ZBTB20: variants seen among roughly 807,000 people sequenced by gnomAD.
The protein encoded by ZBTB20 is zinc finger and BTB domain-containing protein 20.
Under a neutral mutation model 56.9 loss-of-function variants are expected in ZBTB20, and 9 were observed. The observed-to-expected ratio is 0.16, with a 90% confidence interval of 0.10 to 0.28. The LOEUF (loss-of-function observed/expected upper bound fraction) is 0.28. Among genes scored for constraint, ZBTB20 ranks in the 10% least tolerant of loss-of-function variants. The probability of loss-of-function intolerance (pLI) is 1.00; values close to 1 mark genes in which losing one functional copy is unlikely to be tolerated. For synonymous variants in ZBTB20, 417 were observed against 420.7 expected (o/e 0.99, Z 0.11); for missense variants, 655 against 1,003.0 (o/e 0.65, Z 4.69).
chr3:114,431,308 T>C lies in ZBTB20; in HGVS notation c.-254-42203A>G, dbSNP rs529284293. Among the ~76,000 whole-genome samples the C allele has an allele frequency of 1.8e-3, 280 of 152,032 alleles. No individual in the cohort carries two copies. The Middle Eastern group carries it at 0.02, about 11-fold the overall frequency. On this transcript the variant is annotated intron_variant, in intron 7 of 11. Coordinates refer to ENST00000675478, the MANE Select transcript of ZBTB20 (RefSeq NM_001348800.3). ...TCTATCAGCTCCAGAACTAAAACCC[T>C]CAGTAGGCAGGATGGTGCTAAAAGA...
rs571433758 is a variant in ZBTB20, at chr3:114,514,720, G to GAA, written c.-294-14331_-294-14330dup. Among the ~76,000 whole-genome samples the GAA allele has an allele frequency of 4.6e-5, 7 of 152,236 alleles. No homozygotes were observed. In the East Asian group the frequency reaches 1.4e-3, roughly 29 times the overall value. On this transcript the variant is annotated intron_variant, in intron 6 of 11. Coordinates refer to ENST00000675478, the MANE Select transcript of ZBTB20 (RefSeq NM_001348800.3). ...AGATAGGAGGAAATGAGGAGAAAGA[G>GAA]AAAACAAAGAAAGGGAGAGCGAGGG...
chr3:114,660,604 A>G (rs2060665537), intron 6 of ZBTB20, among the ~76,000 whole-genome samples: 1 of 152,138 alleles, frequency 6.6e-6, no homozygotes, highest in Admixed American at 6.6e-5. Context: ...TGCCTGGTTA[A>G]AAAAGAATCA....
intron 6 of ZBTB20, among the ~76,000 whole-genome samples, chr3:114,607,388 C>T (rs910820547): frequency 4.0e-5 from 6 of 150,788 alleles, no homozygotes; most frequent in African/African-American, 1.5e-4. Context: ...CTGCAACCTC[C>T]GCCTCCTGGG....
chr3:114,767,636 A>T (rs1283216934), intron 5 of ZBTB20, among the ~76,000 whole-genome samples: 1 of 151,992 alleles, frequency 6.6e-6, no homozygotes, highest in Non-Finnish European at 1.5e-5. Context: ...TGAGTTAAAA[A>T]GCAAGAAAGA....
intron 4 of ZBTB20, among the ~76,000 whole-genome samples, chr3:114,830,405 C>T (rs772818872): frequency 2.6e-4 from 39 of 151,938 alleles, no homozygotes; most frequent in Non-Finnish European, 4.4e-4. Context: ...TATCCAAAGG[C>T]AATGAGAGCT....
In ZBTB20 at chr3:114,811,765, G is replaced by A. The variant is rs569904163; in HGVS notation, c.-416-10591C>T. Among the ~76,000 whole-genome samples, 11 of 137,916 alleles carry A rather than the reference G, an allele frequency of 8.0e-5. No individual in the cohort carries two copies. The South Asian group carries it at 2.6e-3, about 32-fold the overall frequency. 90.5% of individuals were successfully genotyped at this position (137,916 alleles called of 152,430 possible). A position where few individuals can be genotyped will look rare whatever the true frequency, so the allele number is the denominator to read the frequency against. On this transcript the variant is annotated intron_variant, in intron 4 of 11. Transcript: ENST00000675478. ...CTGGAAAACAAGAAATCTAATCCAT[G>A]AAACAAAATCCTGAAACATCACATA...
chr3:114,813,897 A>T (rs1044211142), intron 4 of ZBTB20, among the ~76,000 whole-genome samples: 2 of 152,196 alleles, frequency 1.3e-5, no homozygotes, highest in Admixed American at 6.5e-5. Context: ...CAAATCTTTT[A>T]AAAATGGGAA....
intron 5 of ZBTB20, among the ~76,000 whole-genome samples, chr3:114,702,488 A>T (rs532110108): frequency 6.6e-6 from 1 of 151,900 alleles, no homozygotes; most frequent in African/African-American, 2.4e-5. Flanking sequence ...GTCTTTGTCA[A>T]AATTTCTGGT....
intron 3 of ZBTB20, among the ~76,000 whole-genome samples, chr3:114,961,960 T>C (rs1013740930): frequency 6.6e-6 from 1 of 152,124 alleles, no homozygotes; most frequent in Non-Finnish European, 1.5e-5. Context: ...ATCCAACCAG[T>C]TTGCAAATTT....
intron 5 of ZBTB20, among the ~76,000 whole-genome samples, chr3:114,756,748 A>G (rs779710811): frequency 1.3e-5 from 2 of 152,166 alleles, no homozygotes; most frequent in South Asian, 4.1e-4. Context: ...TCTCAGTCTG[A>G]TTCTAGTAAA....
chr3:114,673,872 A>G (rs1368267805), intron 6 of ZBTB20, among the ~76,000 whole-genome samples: 3 of 152,200 alleles, frequency 2.0e-5, no homozygotes, highest in Non-Finnish European at 4.4e-5. Flanking sequence ...AAAAGCATTG[A>G]CATTATTCTA....
intron 5 of ZBTB20, among the ~76,000 whole-genome samples, chr3:114,782,642 G>GA (rs2070188361): frequency 6.6e-6 from 1 of 152,116 alleles, no homozygotes; most frequent in South Asian, 2.1e-4. Context: ...GAAAAAGCCT[G>GA]AAAATAAATT....
At chr3:115,118,703 A>ATTTTTTTTTTTTTTTTTTTT (rs35607205) in intron 1 of ZBTB20, among the ~76,000 whole-genome samples, 4 of 82,210 alleles carry the variant, frequency 4.9e-5, no homozygotes, top group South Asian at 5.3e-4. Context: ...CCTGGTACAA[A>ATTTTTTTTTTTTTTTTTTTT]TTTTTTTTTT....
At chr3:114,691,294 C>T (rs567097523) in intron 6 of ZBTB20, among the ~76,000 whole-genome samples, 36 of 152,102 alleles carry the variant, frequency 2.4e-4, no homozygotes, top group African/African-American at 8.4e-4. Context: ...TAATGATGTA[C>T]TAAATACTAC....
chr3:114,359,145 T>A (rs888433111), intron 10 of ZBTB20, among the ~76,000 whole-genome samples: 2 of 152,190 alleles, frequency 1.3e-5, no homozygotes, highest in South Asian at 4.1e-4. Flanking sequence ...TGAATATTAA[T>A]TTAAGCTACC....
intron 2 of ZBTB20, among the ~76,000 whole-genome samples, chr3:114,994,607 T>G (rs1345321421): frequency 6.6e-6 from 1 of 151,996 alleles, no homozygotes; most frequent in African/African-American, 2.4e-5. Flanking sequence ...TTAAAAATTA[T>G]TTTTACTTCA....
intron 6 of ZBTB20, among the ~76,000 whole-genome samples, chr3:114,632,721 A>G (rs1020538519): frequency 3.5e-4 from 54 of 152,214 alleles, no homozygotes; most frequent in Admixed American, 3.3e-3. Context: ...TAATATCTTC[A>G]ATCTATTAAA....
intron 7 of ZBTB20, among the ~76,000 whole-genome samples, chr3:114,398,880 A>G (rs1213746288): frequency 6.6e-6 from 1 of 152,204 alleles, no homozygotes; most frequent in East Asian, 1.9e-4. Flanking sequence ...TCTTTGAATC[A>G]GTCTGGAGAC....
chr3:114,813,416 C>A (rs536740995), intron 4 of ZBTB20, among the ~76,000 whole-genome samples: 4 of 152,156 alleles, frequency 2.6e-5, no homozygotes, highest in Admixed American at 2.6e-4. Context: ...AGGATATCAA[C>A]CCTGTCCCAA....
Sources: gnomAD v4.1 joint callset for allele counts (sites outside exome capture counted in the v4.1 genomes callset) on GRCh38, gnomAD v4.1.1 for gene constraint, MANE v1.5 for transcripts, NCBI Gene and HGNC (gene_info 2026-07-23, HGNC 2026-07-21) for gene names.